The following CYREN variants were observed in gnomAD, a reference collection of about 807,000 sequenced individuals.
The protein encoded by CYREN is cell cycle regulator of NHEJ, also known as cell cycle regulator of non-homologous end joining.
CYREN carries 7 observed loss-of-function variants against 9.7 expected under a neutral mutation model. The observed-to-expected ratio is 0.72, with a 90% CI of 0.41 to 1.36. CYREN has a LOEUF of 1.36. Ranked by LOEUF, CYREN falls within the 40% of genes most tolerant of loss-of-function variation. CYREN has a pLI of 0.01. For missense variants in CYREN, 215 were observed against 198.1 expected, an observed-to-expected ratio of 1.09 and a Z score of -0.51; for synonymous variants, 76 against 77.9, an observed-to-expected ratio of 0.98 and a Z score of 0.13.
At chr7:135,144,956 A>AAAT (rs1171930181) in intron 2 of CYREN, among the ~76,000 whole-genome samples, 4 of 147,652 alleles carry the variant, frequency 2.7e-5, no homozygotes, top group African/African-American at 9.8e-5. Flanking sequence ...AAAAAAAAAA[A>AAAT]AAAAAAAAAA....
In CYREN at chr7:135,169,026, T is replaced by G. The variant is rs1830450180; in HGVS notation, c.-104A>C. 9.0e-7 allele frequency: 1 copy of G among 1,114,740 alleles called. No individual in the cohort carries two copies. The highest frequency in any genetic ancestry group is 1.6e-5 in the African/African-American group (1 of 62,992). 69.1% of individuals were successfully genotyped at this position (1,114,740 alleles called of 1,614,324 possible). On this transcript the variant is annotated 5_prime_UTR_variant, in exon 2 of 4. Transcript: ENST00000393114. ...CTCTCGTCACACCCGGAATTACAGG[T>G]CCATTTGTCCTCAGTGGGAGTTGAT...
At chr7:135,129,289 G>C in intron 2 of CYREN, 1 of 1,504,560 alleles carries the variant, frequency 6.6e-7, no homozygotes, top group Non-Finnish European at 9.2e-7. Context: ...ACCTTGTGCA[G>C]GTTGACCTAC....
At chr7:135,165,113 T>A, downstream of CYREN, 1 of 1,335,940 alleles carries the variant, frequency 7.5e-7, no homozygotes, top group Non-Finnish European at 1.0e-6. Flanking sequence ...TGGAACCCAC[T>A]ACAGAGGAGG....
At chr7:135,153,386 A>C (rs577915850) in intron 2 of CYREN, among the ~76,000 whole-genome samples, 21 of 141,222 alleles carry the variant, frequency 1.5e-4, no homozygotes, top group African/African-American at 5.4e-4. Context: ...CCTGGGAGGC[A>C]GAGGTTGCAG....
chr7:135,146,401 G>A (rs1019448973), intron 2 of CYREN, among the ~76,000 whole-genome samples: 1 of 152,134 alleles, frequency 6.6e-6, no homozygotes, highest in Non-Finnish European at 1.5e-5. Context: ...TGTTGCAAAA[G>A]TTACCAAAAT....
At chr7:135,162,791 G>A (rs182650783), downstream of CYREN, among the ~76,000 whole-genome samples, 171 of 152,318 alleles carry the variant, frequency 1.1e-3, 1 homozygote, top group Middle Eastern at 0.01. Flanking sequence ...TCCCATACTG[G>A]AAAATACACA....
At chr7:135,164,825 A>T, downstream of CYREN, 1 of 1,613,792 alleles carries the variant, frequency 6.2e-7, no homozygotes, top group Non-Finnish European at 8.5e-7. Flanking sequence ...TGCTGCTGGC[A>T]GGCGGCCTGG....
chr7:135,095,060 T>C (rs1044580067), intron 2 of CYREN, among the ~76,000 whole-genome samples: 1 of 152,192 alleles, frequency 6.6e-6, no homozygotes, highest in Admixed American at 6.5e-5. Flanking sequence ...GAGTCACTCA[T>C]GTTAAGCCTG....
intron 2 of CYREN, among the ~76,000 whole-genome samples, chr7:135,149,525 C>A (rs78491128): frequency 6.6e-6 from 1 of 152,134 alleles, no homozygotes. Context: ...TTTCTGATTG[C>A]TGTCTTAGGA....
At chr7:135,109,318 A>T (rs1012359234) in intron 2 of CYREN, among the ~76,000 whole-genome samples, 2 of 152,228 alleles carry the variant, frequency 1.3e-5, no homozygotes, top group African/African-American at 4.8e-5. Context: ...GGGCTGCAAG[A>T]GAGCAAAGAT....
At chr7:135,128,242 A>C (rs1445688055) in intron 2 of CYREN, among the ~76,000 whole-genome samples, 1 of 129,470 alleles carries the variant, frequency 7.7e-6, no homozygotes, top group Non-Finnish European at 1.6e-5. Context: ...CAGTGAGCCG[A>C]GATGGCACCA....
chr7:135,164,773 G>C (rs750434845), downstream of CYREN: 8 of 1,614,114 alleles, frequency 5.0e-6, no homozygotes, highest in Non-Finnish European at 1.7e-6. Context: ...AGTGATGAGA[G>C]AGCGTGGCGG....
intron 2 of CYREN, among the ~76,000 whole-genome samples, chr7:135,107,644 C>T (rs1187280373): frequency 2.6e-5 from 4 of 152,042 alleles, no homozygotes; most frequent in African/African-American, 9.7e-5. Flanking sequence ...ATTGTGTAGT[C>T]AATTTTAGAG....
chr7:135,167,392 T>C, intron 3 of CYREN: 1 of 1,137,008 alleles, frequency 8.8e-7, no homozygotes. Flanking sequence ...TAAGAAGTCA[T>C]CTACCCAACT....
Position 135,167,712 on chromosome 7 carries a change from AGAG to A in CYREN, c.213+17_213+19del. The A allele has an allele frequency of 6.2e-7, 1 of 1,613,788 alleles. No homozygotes were observed. Among genetic ancestry groups the A allele is most frequent in the Non-Finnish European group, 8.5e-7 (1 of 1,179,874 alleles). On this transcript the variant is annotated intron_variant, in intron 3 of 3. Coordinates refer to ENST00000393114, the MANE Select transcript of CYREN (RefSeq NM_024033.4). ...CATGCAGAGTTTCTGGTCATGAGTA[AGAG>A]GCTTGTCTGACTTTACCTCAATCAG...
intron 2 of CYREN, among the ~76,000 whole-genome samples, chr7:135,144,937 G>T (rs960557362): frequency 3.9e-3 from 8 of 2,076 alleles, no homozygotes; most frequent in Non-Finnish European, 5.9e-3. Flanking sequence ...TCTCAAAAGA[G>T]TAAAAAAAAA....
At chr7:135,144,545 C>G (rs1328422502) in intron 2 of CYREN, among the ~76,000 whole-genome samples, 1 of 151,796 alleles carries the variant, frequency 6.6e-6, no homozygotes, top group Non-Finnish European at 1.5e-5. Context: ...AGCTAGGTTG[C>G]CAGAGAACCA....
chr7:135,163,935 C>G (rs898217193), downstream of CYREN, among the ~76,000 whole-genome samples: 1 of 152,206 alleles, frequency 6.6e-6, no homozygotes, highest in South Asian at 2.1e-4. Flanking sequence ...ATCTGTGGCC[C>G]AGCAATGGGT....
chr7:135,157,474 G>T (rs758240222), intron 2 of CYREN, among the ~76,000 whole-genome samples: 12 of 152,242 alleles, frequency 7.9e-5, no homozygotes, highest in Non-Finnish European at 1.6e-4. Flanking sequence ...GGGTAAGTGT[G>T]CCCTTTTTAG....
Sources: allele counts gnomAD v4.1 joint callset (sites outside exome capture counted in the v4.1 genomes callset), GRCh38; gene constraint gnomAD v4.1.1; transcripts MANE v1.5; gene names NCBI Gene and HGNC (gene_info 2026-07-23, HGNC 2026-07-21).